Variants in VLDLR observed in about 807,000 individuals in gnomAD.
VLDLR encodes the protein very low-density lipoprotein receptor.
In VLDLR, 81 loss-of-function variants were observed where a neutral mutation model predicts 112.7. The ratio of observed to expected loss-of-function variants is 0.72; its 90% confidence interval spans 0.60 to 0.86. The LOEUF is 0.86. Among genes scored for constraint, VLDLR ranks in the 40% least tolerant of loss-of-function variants. The pLI is 0.00. For missense variants in VLDLR, 1,237 were observed against 1,099.4 expected, an observed-to-expected ratio of 1.13 and a Z score of -1.77; for synonymous variants, 436 against 384.8, an observed-to-expected ratio of 1.13 and a Z score of -1.56.
chr9:2,647,692 T>TAG, intron 12 of VLDLR, 100 bp downstream of exon 12: 5 of 1,067,258 alleles, frequency 4.7e-6, no homozygotes, highest in South Asian at 1.3e-5. Flanking sequence ...ACTCTACTGC[T>TAG]TCCGCCTAAA....
chr9:2,648,518 T>G (rs1818169679), intron 13 of VLDLR, 151 bp from the exon 14 acceptor site: 1 of 1,515,558 alleles, frequency 6.6e-7, no homozygotes, highest in Non-Finnish European at 9.1e-7. Context: ...ACTCCACACC[T>G]AAACTTGATT....
chr9:2,629,060 A>C (rs1817224897), intron 1 of VLDLR, among the ~76,000 whole-genome samples: 1 of 152,238 alleles, frequency 6.6e-6, no homozygotes, highest in South Asian at 2.1e-4. Context: ...ACATTAATTC[A>C]ATGTTAATTG....
In VLDLR at chr9:2,641,515, T is replaced by C; in HGVS notation, c.448+16T>C. On this transcript the variant is annotated intron_variant, in intron 4 of 18. Coordinates refer to ENST00000382100, the MANE Select transcript of VLDLR (RefSeq NM_003383.5). ...GAAAACTGTGGTAAGAAGATCAGTG[T>C]TGAGTGACGTAACCCAAAGACCCTT... 1 of 1,613,966 alleles carries C rather than the reference T, an allele frequency of 6.2e-7. No homozygotes were observed. Among genetic ancestry groups the C allele is most frequent in the African/African-American group, 1.3e-5 (1 of 74,998 alleles).
chr9:2,652,746 T>G (rs752114911), intron 17 of VLDLR, 34 bp from the exon 18 acceptor site: 1 of 1,613,838 alleles, frequency 6.2e-7, no homozygotes, highest in Non-Finnish European at 8.5e-7. Flanking sequence ...AATACTAGAC[T>G]TAGCTCACTT....
In VLDLR at chr9:2,635,551, G is replaced by C. The variant is rs781447385; in HGVS notation, c.181G>C (p.Gly61Arg). ...KCDGDEDCVD[G>R]SDEKNCVKKT... The stretch of plus-strand genomic sequence containing the variant: ...TGATGGGGATGAAGACTGTGTTGAC[G>C]GCAGTGATGAAAAGAACTGTGGTAA... The change falls in exon 2 of 19, where the codon GGC (glycine) becomes CGC (arginine). Residue 61 changes from glycine to arginine, a missense_variant. By Grantham distance (125) the Gly-to-Arg change is moderately radical. Transcript: ENST00000382100. 1.9e-6 allele frequency: 3 copies of C among 1,614,094 alleles called. No individual in the cohort carries two copies. The South Asian group carries it at 3.3e-5, about 18-fold the overall frequency.
At position 2,659,707 on chromosome 9, in the gene VLDLR, T is replaced by C. The variant is rs1410820425; in HGVS notation, c.*5839T>C. ...ACTGTGGCTTGTAACTCAATGATGC[T>C]ATAACTCCAGCACTGGATCTTAAGT... On this transcript the variant is annotated 3_prime_UTR_variant, in exon 19 of 19. Transcript: ENST00000382100. 6.6e-6 allele frequency: 1 copy of C among 152,228 alleles called. No homozygotes were observed. The highest frequency in any genetic ancestry group is 2.4e-5 in the African/African-American group (1 of 41,472). 9.4% of individuals were successfully genotyped at this position (152,228 alleles called of 1,614,324 possible). A position where few individuals can be genotyped will look rare whatever the true frequency, so the allele number is the denominator to read the frequency against.
intron 1 of VLDLR, 138 bp from the exon 2 acceptor site, chr9:2,635,315 C>T (rs1817552329): frequency 7.7e-7 from 1 of 1,299,658 alleles, no homozygotes; most frequent in African/African-American, 1.5e-5. Flanking sequence ...GCTGAAGAGC[C>T]ATCCTACTCT....
intron 17 of VLDLR, among the ~76,000 whole-genome samples, chr9:2,652,486 A>G (rs1429663801): frequency 6.6e-6 from 1 of 152,178 alleles, no homozygotes; most frequent in Non-Finnish European, 1.5e-5. Flanking sequence ...GACCACCTGA[A>G]TAGCTCTCCA....
chr9:2,652,910 T>G lies in VLDLR; in HGVS notation c.2547T>G (p.Ile849Met), dbSNP rs758305557. 2 of 1,614,090 alleles carry G rather than the reference T, an allele frequency of 1.2e-6. No individual in the cohort carries two copies. The highest frequency in any genetic ancestry group is 1.7e-5 in the Admixed American group (1 of 60,014). ...CTGAAGAGGACCTCTCCATAGACAT[T>G]GGTAGACACAGTGCTTCTGTTGGAC... ...KTTEEDLSID[I>M]GRHSASVGHT... The change falls in exon 18 of 19, where the codon ATT (isoleucine) becomes ATG (methionine). Residue 849 changes from isoleucine to methionine, a missense_variant. Ile to Met is a conservative substitution (Grantham distance 10). Coordinates refer to ENST00000382100, the MANE Select transcript of VLDLR (RefSeq NM_003383.5).
intron 3 of VLDLR, among the ~76,000 whole-genome samples, chr9:2,640,209 A>T (rs1586647234): frequency 1.3e-5 from 2 of 152,274 alleles, no homozygotes; most frequent in Admixed American, 1.3e-4. Flanking sequence ...TTCACTATTG[A>T]ATACTTAAAA....
In VLDLR at chr9:2,641,459, T is replaced by C; in HGVS notation, c.408T>C (p.Gly136=). 1 of 1,614,132 alleles carries C rather than the reference T, an allele frequency of 6.2e-7. No individual in the cohort carries two copies. The change falls in exon 4 of 19, where the codon GGT becomes GGC. Residue 136 remains glycine (G), a synonymous_variant. Coordinates refer to ENST00000382100, the MANE Select transcript of VLDLR (RefSeq NM_003383.5). The stretch of plus-strand genomic sequence containing the variant: ...TCCCAGTGTCCTGGAGATGTGATGG[T>C]GAAAATGATTGTGACAGTGGAGAAG... ...QCIPVSWRCD[G]ENDCDSGEDE...
At chr9:2,642,022 C>G (rs1001892224) in intron 4 of VLDLR, among the ~76,000 whole-genome samples, 2 of 151,732 alleles carry the variant, frequency 1.3e-5, no homozygotes, top group Non-Finnish European at 2.9e-5. Flanking sequence ...CCTCAGATAC[C>G]CAAAGAAAAG....
chr9:2,622,046 T>G lies in VLDLR; in HGVS notation c.-144T>G. The G allele has an allele frequency of 1.2e-6, 1 of 804,706 alleles. No individual in the cohort carries two copies. Among genetic ancestry groups the G allele is most frequent in the Non-Finnish European group, 1.9e-6 (1 of 530,710 alleles). The allele number at this position is 804,706 out of a possible 1,614,324, so 49.8% of individuals were successfully genotyped here. A position where few individuals can be genotyped will look rare whatever the true frequency, so the allele number is the denominator to read the frequency against. ...GGGTGCCCTCTTCTTCCCCGCTCCC[T>G]TCCCCCGCCAACTCCTTCCCCTCCT... is the stretch of plus-strand genomic sequence containing the variant. On this transcript the variant is annotated 5_prime_UTR_variant, in exon 1 of 19. Transcript: ENST00000382100.
At position 2,646,401 on chromosome 9, in the gene VLDLR, A is replaced by G. The variant is rs556814765; in HGVS notation, c.1552A>G (p.Ile518Val). 2 of 1,614,186 alleles carry G rather than the reference A, an allele frequency of 1.2e-6. No individual in the cohort carries two copies. The highest frequency in any genetic ancestry group is 1.7e-6 in the Non-Finnish European group (2 of 1,180,028). ...MIDNVYNPAA[I>V]AVDWVYKTIY... ...CGACAATGTCTATAATCCTGCAGCC[A>G]TTGCTGTTGATTGGGTGTACAAGAC... Residue 518 changes from isoleucine to valine, a missense_variant, in exon 11 of 19, where the codon ATT becomes GTT. Transcript: ENST00000382100.
rs149772780 is a variant in VLDLR at position 2,643,727 on chromosome 9, C to A, written c.920C>A (p.Ser307Tyr). The A allele has an allele frequency of 1.4e-5, 22 of 1,614,136 alleles. No homozygotes were observed. The highest frequency in any genetic ancestry group is 1.9e-5 in the Non-Finnish European group (22 of 1,180,026). Residue 307 changes from serine to tyrosine, a missense_variant, in exon 6 of 19, where the codon TCC becomes TAC. Ser to Tyr is a moderately radical substitution (Grantham distance 144). Coordinates refer to ENST00000382100, the MANE Select transcript of VLDLR (RefSeq NM_003383.5). ...CNGIRDCVDG[S>Y]DEVNCKNVNQ... Reference sequence around the variant, plus strand: ...GGTATCCGAGACTGTGTCGATGGTTCCGATGAAGTCAACTGCAAAAATGGT... The same window carrying A: ...GGTATCCGAGACTGTGTCGATGGTTACGATGAAGTCAACTGCAAAAATGGT...
In VLDLR at chr9:2,654,638, T is replaced by C. The variant is rs1424508053; in HGVS notation, c.*770T>C. On this transcript the variant is annotated 3_prime_UTR_variant, in exon 19 of 19. Transcript: ENST00000382100. ...CTAGCACAGTTAAAAAATGAAGTACTGTTTAACATTTGCTCCCGAAATATT... is the reference window on the plus strand; with the variant it reads ...CTAGCACAGTTAAAAAATGAAGTACCGTTTAACATTTGCTCCCGAAATATT... The C allele has an allele frequency of 6.6e-6, 1 of 152,216 alleles. No individual in the cohort carries two copies. Among genetic ancestry groups the C allele is most frequent in the Non-Finnish European group, 1.5e-5 (1 of 68,044 alleles). The allele number at this position is 152,216 out of a possible 1,614,324, so 9.4% of individuals were successfully genotyped here. A position where few individuals can be genotyped will look rare whatever the true frequency, so the allele number is the denominator to read the frequency against.
rs901322239 is a variant in VLDLR, at chr9:2,644,941, C to T, written c.1187-16C>T. ...AGGTATAGGAGCAGCAAGACTAATT[C>T]TGATTTCCCTCCCAGATATTGATGA... is the stretch of plus-strand genomic sequence containing the variant. On this transcript the variant is annotated splice_polypyrimidine_tract_variant and intron_variant, in intron 8 of 18. Coordinates refer to ENST00000382100, the MANE Select transcript of VLDLR (RefSeq NM_003383.5). 4 of 1,614,144 alleles carry T rather than the reference C, an allele frequency of 2.5e-6. No homozygotes were observed. The highest frequency in any genetic ancestry group is 2.7e-5 in the African/African-American group (2 of 75,046).
intron 14 of VLDLR, among the ~76,000 whole-genome samples, chr9:2,650,055 A>G (rs897891361): frequency 2.0e-5 from 3 of 152,316 alleles, no homozygotes; most frequent in Non-Finnish European, 2.9e-5. Flanking sequence ...CCTTCACGCT[A>G]AACCTCGGGC....
Position 2,644,069 on chromosome 9 carries a change from A to C in VLDLR, c.1066+110A>C, listed in dbSNP as rs954730096. On this transcript the variant is annotated intron_variant, in intron 7 of 18. Coordinates refer to ENST00000382100, the MANE Select transcript of VLDLR (RefSeq NM_003383.5). ...GCTAGTTAAACTTTTGAATGTACTG[A>C]AGTTCAATTGTAGACTTCAGAGTGA... 97 of 1,523,044 alleles carry C rather than the reference A, an allele frequency of 6.4e-5. 1 individual carries two copies. The highest frequency in any genetic ancestry group is 7.8e-5 in the Non-Finnish European group (87 of 1,108,752). The allele number at this position is 1,523,044 out of a possible 1,614,324, so 94.3% of individuals were successfully genotyped here.
Sources: gnomAD v4.1 joint callset for allele counts (sites outside exome capture counted in the v4.1 genomes callset) on GRCh38, gnomAD v4.1.1 for gene constraint, MANE v1.5 for transcripts, NCBI Gene and HGNC (gene_info 2026-07-23, HGNC 2026-07-21) for gene names.